SLC26A6: variants seen among roughly 807,000 people sequenced by gnomAD.
SLC26A6 encodes solute carrier family 26 member 6.
Under a neutral mutation model 87.1 loss-of-function variants are expected in SLC26A6, and 67 were observed. The ratio of observed to expected loss-of-function variants is 0.77; its 90% CI spans 0.63 to 0.94. The LOEUF is 0.94. Among genes scored for constraint, SLC26A6 ranks in the 40% least tolerant of loss-of-function variants. The pLI is 0.00. For synonymous variants in SLC26A6, 414 were observed against 405.9 expected (o/e 1.02, Z -0.24); for missense variants, 902 against 973.0 (o/e 0.93, Z 0.97).
intron 1 of SLC26A6, among the ~76,000 whole-genome samples, chr3:48,634,560 G>A (rs1350058187): frequency 6.6e-6 from 1 of 152,182 alleles, no homozygotes; most frequent in Non-Finnish European, 1.5e-5. Context: ...CTCGGGCGAG[G>A]CTCCCACGTG....
chr3:48,632,567 A>G, intron 4 of SLC26A6, 171 bp from the exon 5 acceptor site: 1 of 890,596 alleles, frequency 1.1e-6, no homozygotes, highest in South Asian at 1.4e-5. Context: ...GGCCAGGAGT[A>G]AACCCTGAGC....
Position 48,631,653 on chromosome 3 carries a change from A to G in SLC26A6, c.899T>C (p.Leu300Pro). Reference protein sequence around the residue: ...QLPMPIPGELLTLIGATGISY... With the variant: ...QLPMPIPGELPTLIGATGISY... ...TCCACTCCCTGGCCCTCGAACCGTG[A>G]GCAGCTCCCCGGGTATCGGCATGGG... Residue 300 changes from leucine (L) to proline (P), a missense_variant, in exon 7 of 21, where the codon CTC becomes CCC. Transcript: ENST00000395550. 1 of 1,613,016 alleles carries G rather than the reference A, an allele frequency of 6.2e-7. No homozygotes were observed. Among genetic ancestry groups the G allele is most frequent in the African/African-American group, 1.3e-5 (1 of 74,960 alleles).
At chr3:48,626,706 A>G in intron 18 of SLC26A6, 21 bp from the exon 19 acceptor site, 1 of 1,613,940 alleles carries the variant, frequency 6.2e-7, no homozygotes, top group Non-Finnish European at 8.5e-7. Flanking sequence ...AAAGGGGGCC[A>G]GCCTCAGAGG....
At chr3:48,633,173 C>T in intron 3 of SLC26A6, 78 bp downstream of exon 3, 1 of 1,587,138 alleles carries the variant, frequency 6.3e-7, no homozygotes, top group Non-Finnish European at 8.6e-7. Context: ...GCCATAGTTC[C>T]AAGGTAGAGG....
chr3:48,635,257 A>C, intron 1 of SLC26A6, 114 bp downstream of exon 1: 1 of 1,388,958 alleles, frequency 7.2e-7, no homozygotes, highest in South Asian at 1.3e-5. Flanking sequence ...CAGCAGAGGT[A>C]AACCGAGGCG....
rs2046851199 is a variant in SLC26A6 at position 48,633,021 on chromosome 3, G to A, written c.386C>T (p.Pro129Leu). The A allele has an allele frequency of 2.5e-6, 4 of 1,613,758 alleles. No homozygotes were observed. The highest frequency in any genetic ancestry group is 3.4e-6 in the Non-Finnish European group (4 of 1,179,964). ...GCCAAACAGGAAGTAGATGAAGACA[G>A]GGTAGAAGGAGCTATAGAGGCCAAA... ...PVFGLYSSFYPVFIYFLFGTS... is the reference protein window; with the variant it reads ...PVFGLYSSFYLVFIYFLFGTS... Residue 129 changes from proline (P) to leucine (L), a missense_variant, in exon 4 of 21, where the codon CCT (proline) becomes CTT (leucine). By Grantham distance (98) the Pro-to-Leu change is moderately conservative. This residue lies in a region of SLC26A6 where 800 missense variants were observed against 856.8 expected (regional missense o/e 0.93). Coordinates refer to ENST00000395550, the MANE Select transcript of SLC26A6 (RefSeq NM_022911.3).
At position 48,631,207 on chromosome 3, in the gene SLC26A6, T is replaced by C; in HGVS notation, c.986+17A>G. ...GGCTGCCCAACCCTCCCTGACCTGA[T>C]GGAGGCCAGAGCTCACCCTGCAGGG... On this transcript the variant is annotated intron_variant, in intron 8 of 20. Coordinates refer to ENST00000395550, the MANE Select transcript of SLC26A6 (RefSeq NM_022911.3). The C allele has an allele frequency of 1.2e-6, 2 of 1,611,866 alleles. No homozygotes were observed. Among genetic ancestry groups the C allele is most frequent in the East Asian group, 2.2e-5 (1 of 44,826 alleles).
At chr3:48,631,405 C>T in intron 7 of SLC26A6, 99 bp from the exon 8 acceptor site, 1 of 1,352,526 alleles carries the variant, frequency 7.4e-7, no homozygotes, top group Non-Finnish European at 9.8e-7. Context: ...TGGGCAAAAC[C>T]TTCTTCGAGG....
chr3:48,628,939 G>A lies in SLC26A6; in HGVS notation c.1600-225C>T, dbSNP rs966146004. ...TCCCCACCTCTCCTGCCACCACCCA[G>A]GCAGGCTTCACAGGCTCTTAACCTT... On this transcript the variant is annotated intron_variant, in intron 14 of 20. Coordinates refer to ENST00000395550, the MANE Select transcript of SLC26A6 (RefSeq NM_022911.3). The surrounding 1 kb of genome is among the most constrained non-coding windows in gnomAD (Gnocchi z 4.4). Among the ~76,000 whole-genome samples, 2 of 152,064 alleles carry A rather than the reference G, an allele frequency of 1.3e-5. No individual in the cohort carries two copies. Among genetic ancestry groups the A allele is most frequent in the African/African-American group, 4.8e-5 (2 of 41,380 alleles).
At chr3:48,629,393 G>A (rs2106654406) in intron 14 of SLC26A6, among the ~76,000 whole-genome samples, 1 of 152,294 alleles carries the variant, frequency 6.6e-6, no homozygotes, top group Non-Finnish European at 1.5e-5. Flanking sequence ...CTCTGCAGGT[G>A]GAGCTTGTGC....
Position 48,629,708 on chromosome 3 carries a change from G to C in SLC26A6, c.1533C>G (p.Pro511=). 6.2e-7 allele frequency: 1 copy of C among 1,613,440 alleles called. No homozygotes were observed. Among genetic ancestry groups the C allele is most frequent in the Non-Finnish European group, 8.5e-7 (1 of 1,179,680 alleles). The change falls in exon 14 of 21, where the codon CCC becomes CCG. Residue 511 remains proline (P), a synonymous_variant. Coordinates refer to ENST00000395550, the MANE Select transcript of SLC26A6 (RefSeq NM_022911.3). ...GCACCTGCCCCAGGACAGAGTAGTG[G>C]GGCCTGTGAAGGAGAGAGAGAATGC... ...LLLVVVRTQM[P]HYSVLGQVPD...
chr3:48,626,146 G>A, intron 20 of SLC26A6, 72 bp downstream of exon 20: 1 of 1,611,578 alleles, frequency 6.2e-7, no homozygotes, highest in Non-Finnish European at 8.5e-7. Context: ...AAGACTCCCT[G>A]GAGCTGGGGC....
At position 48,631,730 on chromosome 3, in the gene SLC26A6, C is replaced by A; in HGVS notation, c.822G>T (p.Gly274=). 1 of 1,613,580 alleles carries A rather than the reference C, an allele frequency of 6.2e-7. No individual in the cohort carries two copies. The highest frequency in any genetic ancestry group is 8.5e-7 in the Non-Finnish European group (1 of 1,180,030). The change falls in exon 7 of 21, where the codon GGG becomes GGT. Residue 274 remains glycine (G), a synonymous_variant. Transcript: ENST00000395550. Reference sequence around the variant, plus strand: ...ACAGCTTCACCACCACGAGCACCACCCCAGCCACAGCTGCAGTGACCACGG... The same window carrying A: ...ACAGCTTCACCACCACGAGCACCACACCAGCCACAGCTGCAGTGACCACGG... ...VGTVVTAAVA[G]VVLVVVKLLN... is the part of the protein sequence containing the mutation.
Position 48,626,323 on chromosome 3 carries a change from G to A in SLC26A6, c.2160C>T (p.His720=). 1 of 1,614,088 alleles carries A rather than the reference G, an allele frequency of 6.2e-7. No individual in the cohort carries two copies. The highest frequency in any genetic ancestry group is 8.5e-7 in the Non-Finnish European group (1 of 1,180,026). ...TCTTGGTGATGGATGCATCGAAGAAGTGCCCAGCCTCAAGCTGGCTGACCA... is the reference window on the plus strand; with the variant it reads ...TCTTGGTGATGGATGCATCGAAGAAATGCCCAGCCTCAAGCTGGCTGACCA... ...SPVVSQLEAG[H]FFDASITKKH... is the part of the protein sequence containing the mutation. The change falls in exon 20 of 21, where the codon CAC becomes CAT. Residue 720 remains histidine (H), a synonymous_variant. Transcript: ENST00000395550.
chr3:48,627,836 A>G (rs898005364), intron 17 of SLC26A6, 110 bp downstream of exon 17: 2 of 1,022,364 alleles, frequency 2.0e-6, no homozygotes, highest in Non-Finnish European at 2.8e-6. Context: ...CCATCGGCGC[A>G]ACACCCTCGA....
chr3:48,633,557 C>A lies in SLC26A6; in HGVS notation c.102G>T (p.Pro34=). ...CCTCCAAATGCTCCTGGTTCAGCAG[C>A]GGCCGTTCCATGTGGTAGTCTCGCC... ...LRRRDYHMER[P]LLNQEHLEEL... Residue 34 remains proline, a synonymous_variant, in exon 2 of 21, where the codon CCG becomes CCT. Coordinates refer to ENST00000395550, the MANE Select transcript of SLC26A6 (RefSeq NM_022911.3). 1 of 1,613,548 alleles carries A rather than the reference C, an allele frequency of 6.2e-7. No individual in the cohort carries two copies. The highest frequency in any genetic ancestry group is 8.5e-7 in the Non-Finnish European group (1 of 1,180,010).
intron 17 of SLC26A6, 170 bp downstream of exon 17, chr3:48,627,776 A>G (rs1254704837): frequency 8.9e-6 from 5 of 560,122 alleles, no homozygotes; most frequent in Non-Finnish European, 1.5e-5. Context: ...TCTGTGGCAT[A>G]TCACGACGCT....
At position 48,626,963 on chromosome 3, in the gene SLC26A6, G is replaced by T. The variant is rs1553622617; in HGVS notation, c.1986C>A (p.Gly662=). 1.9e-6 allele frequency: 3 copies of T among 1,614,218 alleles called. No individual in the cohort carries two copies. Among genetic ancestry groups the T allele is most frequent in the Non-Finnish European group, 1.7e-6 (2 of 1,180,042 alleles). The part of the protein sequence containing the change: ...APDGSTLKAL[G]LPQPDFHSLI... ...GGCTGTGGAAGTCTGGCTGAGGCAG[G>T]CCCAGGGCCTTCAGTGTGGACCCAT... is the stretch of plus-strand genomic sequence containing the variant. Residue 662 remains glycine, a synonymous_variant, in exon 18 of 21, where the codon GGC becomes GGA. Coordinates refer to ENST00000395550, the MANE Select transcript of SLC26A6 (RefSeq NM_022911.3).
At chr3:48,634,082 A>C in intron 1 of SLC26A6, 2 of 186,902 alleles carry the variant, frequency 1.1e-5, no homozygotes, top group South Asian at 1.1e-4. Flanking sequence ...TCCTCAAGCA[A>C]CTCCTTTCCC....
Sources: gnomAD v4.1 joint callset for allele counts (sites outside exome capture counted in the v4.1 genomes callset) on GRCh38, gnomAD v4.1.1 for gene constraint, gnomAD v4.1.1 regional missense constraint, Gnocchi (gnomAD v3.1) non-coding constraint, MANE v1.5 for transcripts, NCBI Gene and HGNC (gene_info 2026-07-23, HGNC 2026-07-21) for gene names.